GRIN3A: variants seen among roughly 807,000 people sequenced by gnomAD.
GRIN3A encodes glutamate ionotropic receptor NMDA type subunit 3A.
GRIN3A carries 47 observed loss-of-function variants against 92.4 expected under a neutral mutation model. The ratio of observed to expected loss-of-function variants is 0.51; its 90% CI spans 0.40 to 0.65. The LOEUF is 0.65. Ranked by LOEUF, GRIN3A falls within the 30% of genes least tolerant of loss-of-function variation. GRIN3A has a pLI of 0.00. For missense variants in GRIN3A, 1,324 were observed against 1,393.1 expected (o/e 0.95, Z 0.79); for synonymous variants, 527 against 540.6 (o/e 0.97, Z 0.35).
chr9:101,733,758 A>C (rs1229583539), intron 1 of GRIN3A, among the ~76,000 whole-genome samples: 2 of 152,254 alleles, frequency 1.3e-5, no homozygotes, highest in African/African-American at 2.4e-5. Context: ...CCATGAAAGA[A>C]GCATATATTA....
chr9:101,658,156 A>G (rs1193773796), intron 3 of GRIN3A, among the ~76,000 whole-genome samples: 2 of 151,992 alleles, frequency 1.3e-5, no homozygotes, highest in East Asian at 3.9e-4. Flanking sequence ...TTTATTAGCT[A>G]TATGGCTTTG....
rs542137306 is a variant in GRIN3A, at chr9:101,732,800, T to G, written c.699+4481A>C. On this transcript the variant is annotated intron_variant, in intron 1 of 8. Transcript: ENST00000361820. Reference sequence around the variant, plus strand: ...ACTTTTCCAAAGTACTTTTACTTTCTCATTTGATTCACAACATCTTTGTCA... The same window carrying G: ...ACTTTTCCAAAGTACTTTTACTTTCGCATTTGATTCACAACATCTTTGTCA... 2.6e-4 allele frequency among the ~76,000 whole-genome samples: 39 copies of G among 152,320 alleles called. No homozygotes were observed. In the South Asian group the frequency reaches 8.1e-3, roughly 32 times the overall value.
intron 1 of GRIN3A, among the ~76,000 whole-genome samples, chr9:101,703,553 C>T (rs1301522775): frequency 2.0e-5 from 3 of 152,180 alleles, no homozygotes; most frequent in Non-Finnish European, 4.4e-5. Context: ...GTTTGCTAAA[C>T]AATTCCTCAC....
intron 1 of GRIN3A, among the ~76,000 whole-genome samples, chr9:101,732,605 G>A (rs576816371): frequency 2.6e-5 from 4 of 152,170 alleles, no homozygotes; most frequent in Non-Finnish European, 4.4e-5. Flanking sequence ...AAAAAAATGA[G>A]GGAGAGGGTA....
chr9:101,646,265 G>A (rs1828935951), intron 3 of GRIN3A, among the ~76,000 whole-genome samples: 1 of 151,618 alleles, frequency 6.6e-6, no homozygotes, highest in Non-Finnish European at 1.5e-5. Context: ...GAGAGATGGG[G>A]GTCTAGTTTT....
chr9:101,626,971 G>C (rs1219950201), intron 4 of GRIN3A, among the ~76,000 whole-genome samples: 1 of 152,212 alleles, frequency 6.6e-6, no homozygotes, highest in Non-Finnish European at 1.5e-5. Flanking sequence ...CCTGAGATAC[G>C]TGAATGCCCT....
chr9:101,582,237 C>T (rs961895801), intron 6 of GRIN3A, among the ~76,000 whole-genome samples: 33 of 152,302 alleles, frequency 2.2e-4, no homozygotes, highest in African/African-American at 7.2e-4. Context: ...GGGGTCAGGA[C>T]TCAGAAGAAA....
chr9:101,662,464 T>G (rs996275252), intron 3 of GRIN3A, among the ~76,000 whole-genome samples: 1 of 151,784 alleles, frequency 6.6e-6, no homozygotes, highest in Admixed American at 6.6e-5. Context: ...GCTATTTAAC[T>G]TCATTTAAAA....
intron 2 of GRIN3A, among the ~76,000 whole-genome samples, chr9:101,681,247 T>C (rs114844419): frequency 0.018 from 2,689 of 152,268 alleles, 79 homozygotes; most frequent in African/African-American, 0.062. Context: ...TTTTGAGAAA[T>C]AAAAACAATG....
chr9:101,713,762 G>A (rs1379220202), intron 1 of GRIN3A, among the ~76,000 whole-genome samples: 1 of 152,054 alleles, frequency 6.6e-6, no homozygotes, highest in Admixed American at 6.6e-5. Context: ...TTTAGAATAA[G>A]AATTCTTCCC....
At chr9:101,661,864 A>C (rs761271205) in intron 3 of GRIN3A, among the ~76,000 whole-genome samples, 2 of 151,874 alleles carry the variant, frequency 1.3e-5, no homozygotes, top group African/African-American at 2.4e-5. Context: ...GCTTCCACTA[A>C]GGTTGAGAAA....
At position 101,577,766 on chromosome 9, in the gene GRIN3A, A is replaced by G. The variant is rs751921033; in HGVS notation, c.3008+2T>C. 1.9e-6 allele frequency: 3 copies of G among 1,607,392 alleles called. No homozygotes were observed. Among genetic ancestry groups the G allele is most frequent in the Non-Finnish European group, 2.6e-6 (3 of 1,174,420 alleles). On this transcript the variant is annotated splice_donor_variant, in intron 8 of 8. Coordinates refer to ENST00000361820, the MANE Select transcript of GRIN3A (RefSeq NM_133445.3). LOFTEE classifies it high-confidence loss of function. ...AGACAGTTGCCATTGGCCCCTTCTT[A>G]CCTCTTTTCCACACGTTTGGTCTTG...
chr9:101,694,412 G>A (rs747219698), intron 1 of GRIN3A, among the ~76,000 whole-genome samples: 13 of 152,048 alleles, frequency 8.5e-5, no homozygotes, highest in Non-Finnish European at 1.5e-4. Context: ...AGGAGTGTCG[G>A]GCATAACAGG....
intron 4 of GRIN3A, among the ~76,000 whole-genome samples, chr9:101,627,036 C>T (rs1482307539): frequency 6.6e-6 from 1 of 152,204 alleles, no homozygotes. Flanking sequence ...TCCTTTTTCA[C>T]ACTGTCAGCA....
chr9:101,714,362 C>T (rs949754793), intron 1 of GRIN3A, among the ~76,000 whole-genome samples: 5 of 151,944 alleles, frequency 3.3e-5, no homozygotes, highest in African/African-American at 1.2e-4. Flanking sequence ...GCTTTGGAAA[C>T]ATAAAAAGCT....
intron 6 of GRIN3A, chr9:101,591,496 A>T (rs974553829): frequency 6.6e-6 from 1 of 152,212 alleles, no homozygotes. Flanking sequence ...TTTGGAGAAG[A>T]TGCTAGATCT....
chr9:101,581,535 G>A (rs1295951290), intron 6 of GRIN3A, among the ~76,000 whole-genome samples: 1 of 152,226 alleles, frequency 6.6e-6, no homozygotes, highest in Non-Finnish European at 1.5e-5. Flanking sequence ...CTTTCACCAT[G>A]GGAGGACACA....
At chr9:101,668,283 G>A (rs1203719147) in intron 3 of GRIN3A, among the ~76,000 whole-genome samples, 1 of 151,926 alleles carries the variant, frequency 6.6e-6, no homozygotes, top group Non-Finnish European at 1.5e-5. Flanking sequence ...CACTCGTTCT[G>A]ATAAATAAAG....
At chr9:101,641,145 A>G (rs565162696) in intron 3 of GRIN3A, among the ~76,000 whole-genome samples, 56 of 152,302 alleles carry the variant, frequency 3.7e-4, no homozygotes, top group African/African-American at 1.3e-3. Flanking sequence ...AACAGGTGCT[A>G]GAGAGGATGT....
Sources: allele counts gnomAD v4.1 joint callset (sites outside exome capture counted in the v4.1 genomes callset), GRCh38; gene constraint gnomAD v4.1.1; transcripts MANE v1.5; gene names NCBI Gene and HGNC (gene_info 2026-07-23, HGNC 2026-07-21).